HHAT: variants seen among roughly 807,000 people sequenced by gnomAD.
HHAT encodes the protein hedgehog acyltransferase, also known as protein-cysteine N-palmitoyltransferase HHAT.
In HHAT, 47 loss-of-function variants were observed where a neutral mutation model predicts 70.8. That is an observed-to-expected ratio of 0.66 (90% confidence interval 0.53 to 0.85). The LOEUF is 0.85. Among genes scored for constraint, HHAT ranks in the 40% least tolerant of loss-of-function variants. The probability of loss-of-function intolerance (pLI) is 0.00; values close to 1 mark genes in which losing one functional copy is unlikely to be tolerated. For missense variants in HHAT, 609 were observed against 604.8 expected, an observed-to-expected ratio of 1.01 and a Z score of -0.07; for synonymous variants, 228 against 247.6, an observed-to-expected ratio of 0.92 and a Z score of 0.74.
intron 3 of HHAT, among the ~76,000 whole-genome samples, chr1:210,386,851 T>C (rs1408520103): frequency 1.3e-5 from 2 of 152,180 alleles, no homozygotes; most frequent in African/African-American, 4.8e-5. Flanking sequence ...GAATGCCACA[T>C]GGACACAGAG....
intron 7 of HHAT, among the ~76,000 whole-genome samples, chr1:210,460,625 A>G (rs972362330): frequency 7.2e-5 from 11 of 152,190 alleles, no homozygotes; most frequent in Admixed American, 3.9e-4. Context: ...ATTCACCACC[A>G]TATTGCTCAG....
intron 6 of HHAT, among the ~76,000 whole-genome samples, chr1:210,416,867 C>T (rs2148267713): frequency 6.6e-6 from 1 of 152,290 alleles, no homozygotes; most frequent in East Asian, 1.9e-4. Context: ...AAGTACTTCA[C>T]ATACTTCATC....
chr1:210,593,372 G>A (rs1002951494), intron 10 of HHAT, among the ~76,000 whole-genome samples: 1 of 151,930 alleles, frequency 6.6e-6, no homozygotes. Context: ...TTGGCATGTT[G>A]TGTATCCATT....
chr1:210,357,669 A>T (rs1276711579), intron 2 of HHAT, among the ~76,000 whole-genome samples: 2 of 152,086 alleles, frequency 1.3e-5, no homozygotes, highest in Non-Finnish European at 2.9e-5. Flanking sequence ...AAAATACAAA[A>T]ATTAGCCGGG....
At chr1:210,426,048 C>T (rs2093052236) in intron 7 of HHAT, among the ~76,000 whole-genome samples, 3 of 152,056 alleles carry the variant, frequency 2.0e-5, no homozygotes, top group Admixed American at 6.6e-5. Flanking sequence ...ATACTTGTAG[C>T]TATCTTTCAC....
intron 3 of HHAT, among the ~76,000 whole-genome samples, chr1:210,376,496 C>T (rs1380782273): frequency 6.6e-6 from 1 of 152,174 alleles, no homozygotes; most frequent in Non-Finnish European, 1.5e-5. Context: ...AAGTCTTAGG[C>T]ATCATAAATG....
intron 7 of HHAT, among the ~76,000 whole-genome samples, chr1:210,437,802 A>G (rs977247776): frequency 3.3e-5 from 5 of 151,812 alleles, no homozygotes; most frequent in Admixed American, 6.6e-5. Flanking sequence ...CATTTATCCA[A>G]TTGAATTCCT....
intron 3 of HHAT, among the ~76,000 whole-genome samples, chr1:210,381,302 A>T (rs1350666242): frequency 6.6e-6 from 1 of 151,978 alleles, no homozygotes; most frequent in African/African-American, 2.4e-5. Flanking sequence ...TTTTTCTGAG[A>T]CAGAGTCTTG....
intron 8 of HHAT, among the ~76,000 whole-genome samples, chr1:210,502,822 T>C (rs2094784495): frequency 6.6e-6 from 1 of 152,214 alleles, no homozygotes; most frequent in African/African-American, 2.4e-5. Context: ...GTAGTTATAA[T>C]AGGTCAGCAA....
rs958319759 is a variant in HHAT, at chr1:210,511,990, A to G, written c.1008-1163A>G. Among the ~76,000 whole-genome samples, 16 of 152,216 alleles carry G rather than the reference A, an allele frequency of 1.1e-4. No homozygotes were observed. The East Asian group carries it at 1.4e-3, about 13-fold the overall frequency. ...CCAAAGGGAGAGAAGGGCACTGGCTACATGATCAGAGGTTCAGGAGGAACA... is the reference window on the plus strand; with the variant it reads ...CCAAAGGGAGAGAAGGGCACTGGCTGCATGATCAGAGGTTCAGGAGGAACA... On this transcript the variant is annotated intron_variant, in intron 8 of 11. Coordinates refer to ENST00000261458, the MANE Select transcript of HHAT (RefSeq NM_018194.6).
chr1:210,374,319 C>A (rs981567416), intron 3 of HHAT: 1 of 152,140 alleles, frequency 6.6e-6, no homozygotes, highest in South Asian at 2.1e-4. Context: ...ACTCCTAGTA[C>A]GCCGATGGTG....
intron 3 of HHAT, among the ~76,000 whole-genome samples, chr1:210,367,010 G>A (rs1021673905): frequency 1.3e-5 from 2 of 152,166 alleles, no homozygotes; most frequent in South Asian, 2.1e-4. Flanking sequence ...CATATGGAGC[G>A]CTGGGGACAG....
At chr1:210,344,222 G>T (rs987875264) in intron 1 of HHAT, among the ~76,000 whole-genome samples, 5 of 152,152 alleles carry the variant, frequency 3.3e-5, no homozygotes, top group Non-Finnish European at 7.4e-5. Context: ...TAGTTACTAT[G>T]TATCTCTGTG....
intron 10 of HHAT, among the ~76,000 whole-genome samples, chr1:210,594,970 T>TC (rs1197272925): frequency 6.6e-6 from 1 of 151,882 alleles, no homozygotes; most frequent in Non-Finnish European, 1.5e-5. Flanking sequence ...AGATTCTTTT[T>TC]TTTAAATTAA....
intron 7 of HHAT, among the ~76,000 whole-genome samples, chr1:210,445,147 AC>A (rs1486978347): frequency 6.6e-6 from 1 of 152,082 alleles, no homozygotes; most frequent in Non-Finnish European, 1.5e-5. Context: ...CAACACACAA[AC>A]GAGTTTCAAA....
chr1:210,402,087 A>T (rs913848716), intron 5 of HHAT, among the ~76,000 whole-genome samples: 3 of 152,162 alleles, frequency 2.0e-5, no homozygotes, highest in African/African-American at 7.2e-5. Context: ...AGGGGAGTAA[A>T]GGCAGAGTCT....
At chr1:210,357,034 C>A (rs960901688) in intron 2 of HHAT, among the ~76,000 whole-genome samples, 2 of 152,228 alleles carry the variant, frequency 1.3e-5, no homozygotes. Context: ...TGTGGAACAA[C>A]CAAGGCTCCA....
chr1:210,566,621 C>T (rs998051422), intron 9 of HHAT, among the ~76,000 whole-genome samples: 1 of 152,046 alleles, frequency 6.6e-6, no homozygotes, highest in African/African-American at 2.4e-5. Context: ...GAAGGAATGT[C>T]TGAATGCTGA....
At chr1:210,546,395 A>T (rs981846413) in intron 9 of HHAT, among the ~76,000 whole-genome samples, 1 of 152,228 alleles carries the variant, frequency 6.6e-6, no homozygotes, top group Non-Finnish European at 1.5e-5. Flanking sequence ...GAAGGTTGGC[A>T]TGTGATTCCA....
Sources: gnomAD v4.1 joint callset for allele counts (sites outside exome capture counted in the v4.1 genomes callset) on GRCh38, gnomAD v4.1.1 for gene constraint, MANE v1.5 for transcripts, NCBI Gene and HGNC (gene_info 2026-07-23, HGNC 2026-07-21) for gene names.